The following FMN1 variants were observed in gnomAD, a reference collection of about 807,000 sequenced individuals.
FMN1 encodes formin 1.
Under a neutral mutation model 132.4 loss-of-function variants are expected in FMN1, and 110 were observed. The ratio of observed to expected loss-of-function variants is 0.83; its 90% CI spans 0.71 to 0.97. The LOEUF (loss-of-function observed/expected upper bound fraction) is 0.97, where lower values mean the gene tolerates loss of function less well. FMN1 is among the 50% of genes least tolerant of loss of function. The pLI is 0.00. For synonymous variants in FMN1, 722 were observed against 651.7 expected, an observed-to-expected ratio of 1.11 and a Z score of -1.64; for missense variants, 1,792 against 1,705.3, an observed-to-expected ratio of 1.05 and a Z score of -0.90.
rs34627075 is a variant in FMN1, at chr15:32,888,857, GT to G, written c.3715-566del. ...TGGGTGTATCTACACATATACACAG[GT>G]TTTTTTTTTTTTTTTTTGGAGATAG... On this transcript the variant is annotated intron_variant, in intron 15 of 20. Transcript: ENST00000616417. Among the ~76,000 whole-genome samples the G allele has an allele frequency of 4.3e-3, 579 of 135,598 alleles. 1 individual carries two copies. The highest frequency in any genetic ancestry group is 0.01 in the African/African-American group (364 of 35,968). The allele number at this position is 135,598 out of a possible 152,430, so 89.0% of individuals were successfully genotyped here.
intron 7 of FMN1, among the ~76,000 whole-genome samples, chr15:32,991,202 A>G (rs1311107542): frequency 2.6e-5 from 4 of 152,176 alleles, no homozygotes; most frequent in Non-Finnish European, 5.9e-5. Context: ...CGGTTTCAGA[A>G]GAAATGCCAC....
chr15:33,004,988 A>G (rs1409111890), intron 7 of FMN1, among the ~76,000 whole-genome samples: 5 of 152,150 alleles, frequency 3.3e-5, no homozygotes, highest in Non-Finnish European at 7.4e-5. Context: ...GACTTGAACA[A>G]TGAGAACACG....
rs537527524 is a variant in FMN1 at position 32,872,361 on chromosome 15, C to T, written c.3836-15254G>A. Among the ~76,000 whole-genome samples the T allele has an allele frequency of 1.4e-4, 22 of 152,276 alleles. No individual in the cohort carries two copies. The South Asian group carries it at 4.6e-3, about 32-fold the overall frequency. ...AAGAAGCATACAGGTATCATTAGTGCAAGACAATGGTTAAAAGTCAGCAAA... is the reference window on the plus strand; with the variant it reads ...AAGAAGCATACAGGTATCATTAGTGTAAGACAATGGTTAAAAGTCAGCAAA... On this transcript the variant is annotated intron_variant, in intron 16 of 20. Transcript: ENST00000616417.
At chr15:32,949,629 C>A (rs2061580959) in intron 9 of FMN1, among the ~76,000 whole-genome samples, 1 of 151,880 alleles carries the variant, frequency 6.6e-6, no homozygotes, top group African/African-American at 2.4e-5. Flanking sequence ...CAATACCATT[C>A]AGGACACAGG....
At chr15:33,177,355 C>T (rs1039411005) in intron 3 of FMN1, among the ~76,000 whole-genome samples, 26 of 152,178 alleles carry the variant, frequency 1.7e-4, no homozygotes, top group African/African-American at 6.3e-4. Flanking sequence ...TAAGACTGAT[C>T]AGTCTTCACC....
At chr15:33,017,094 C>T (rs546523992) in intron 6 of FMN1, among the ~76,000 whole-genome samples, 35 of 151,116 alleles carry the variant, frequency 2.3e-4, no homozygotes, top group Non-Finnish European at 4.7e-4. Flanking sequence ...CACCCTGCCT[C>T]TTCAAAAAGG....
intron 6 of FMN1, among the ~76,000 whole-genome samples, chr15:33,028,076 T>G (rs1327857784): frequency 6.6e-6 from 1 of 152,230 alleles, no homozygotes; most frequent in Admixed American, 6.5e-5. Flanking sequence ...TTCCAGTGGC[T>G]TTAAACATTG....
intron 3 of FMN1, among the ~76,000 whole-genome samples, chr15:33,155,295 C>G (rs1964628688): frequency 6.6e-6 from 1 of 152,160 alleles, no homozygotes; most frequent in Admixed American, 6.5e-5. Context: ...GTTCCCTTTC[C>G]CTACATGGGG....
At chr15:33,048,121 A>G (rs2141157952) in intron 6 of FMN1, among the ~76,000 whole-genome samples, 1 of 107,658 alleles carries the variant, frequency 9.3e-6, no homozygotes, top group Middle Eastern at 4.2e-3. Context: ...GGTAAAATAA[A>G]AATGTCTTCA....
intron 19 of FMN1, among the ~76,000 whole-genome samples, chr15:32,789,074 C>A (rs566491933): frequency 6.6e-6 from 1 of 152,208 alleles, no homozygotes; most frequent in East Asian, 1.9e-4. Flanking sequence ...TTCAACATGG[C>A]AAAAGGAAAC....
At chr15:33,121,099 G>T (rs1311805480) in intron 4 of FMN1, among the ~76,000 whole-genome samples, 1 of 150,088 alleles carries the variant, frequency 6.7e-6, no homozygotes, top group African/African-American at 2.4e-5. Flanking sequence ...TTGGCTAGAT[G>T]ATGTTGTAAC....
chr15:33,169,631 C>A (rs1180730126), intron 3 of FMN1, among the ~76,000 whole-genome samples: 1 of 151,466 alleles, frequency 6.6e-6, no homozygotes, highest in African/African-American at 2.4e-5. Context: ...TTCAAAGACA[C>A]TTTGAAATAA....
intron 17 of FMN1, among the ~76,000 whole-genome samples, chr15:32,835,866 T>A (rs760110194): frequency 5.3e-5 from 8 of 152,124 alleles, no homozygotes; most frequent in Admixed American, 6.5e-5. Context: ...TATTTTATTA[T>A]TATTATTTTT....
At chr15:32,979,555 C>CAAAAAAAAAAA (rs66993265) in intron 7 of FMN1, among the ~76,000 whole-genome samples, 1 of 57,446 alleles carries the variant, frequency 1.7e-5, no homozygotes, top group East Asian at 5.2e-4. Flanking sequence ...GACTCTGTCT[C>CAAAAAAAAAAA]AAAAAAAAAA....
At chr15:32,943,110 T>A (rs1043281471) in intron 9 of FMN1, among the ~76,000 whole-genome samples, 1 of 152,286 alleles carries the variant, frequency 6.6e-6, no homozygotes, top group African/African-American at 2.4e-5. Context: ...GATTTTCAGA[T>A]TTGGAATGCT....
chr15:32,949,966 C>CACATATATATATATATATACACAT (rs1555503133), intron 9 of FMN1, among the ~76,000 whole-genome samples: 2 of 7,404 alleles, frequency 2.7e-4, no homozygotes, highest in African/African-American at 9.8e-4. Flanking sequence ...TATATATATA[C>CACATATATATATATATATACACAT]ACACATATAT....
chr15:33,084,667 A>G (rs1443396767), intron 5 of FMN1, among the ~76,000 whole-genome samples: 1 of 152,200 alleles, frequency 6.6e-6, no homozygotes, highest in Non-Finnish European at 1.5e-5. Context: ...TTTGTTAAAT[A>G]GATGCCCCCA....
chr15:33,035,251 T>A (rs1388963553), intron 6 of FMN1, among the ~76,000 whole-genome samples: 1 of 152,250 alleles, frequency 6.6e-6, no homozygotes, highest in African/African-American at 2.4e-5. Context: ...TATAACGTGA[T>A]GTGACAGTAT....
rs1207269365 is a variant in FMN1 at position 32,923,844 on chromosome 15, G to A, written c.3226+2330C>T. On this transcript the variant is annotated intron_variant, in intron 10 of 20. Coordinates refer to ENST00000616417, the MANE Select transcript of FMN1 (RefSeq NM_001277313.2). ...GCAGTAGGACATGCTTAAAACAAAC[G>A]GAATATAGTCTAAGGTTATATGGAC... 5.9e-5 allele frequency among the ~76,000 whole-genome samples: 9 copies of A among 152,160 alleles called. 1 individual carries two copies. In the South Asian group the frequency reaches 1.0e-3, roughly 18 times the overall value.
Sources: allele counts gnomAD v4.1 joint callset (sites outside exome capture counted in the v4.1 genomes callset), GRCh38; gene constraint gnomAD v4.1.1; transcripts MANE v1.5; gene names NCBI Gene and HGNC (gene_info 2026-07-23, HGNC 2026-07-21).